ITGBL1: variants seen among roughly 807,000 people sequenced by gnomAD.
The protein encoded by ITGBL1 is integrin subunit beta like 1.
Under a neutral mutation model 68.5 loss-of-function variants are expected in ITGBL1, and 51 were observed. The observed-to-expected ratio is 0.74, with a 90% CI of 0.59 to 0.94. The LOEUF is 0.94. ITGBL1 is among the 40% of genes least tolerant of loss of function. The probability of loss-of-function intolerance (pLI) is 0.00; values close to 1 mark genes in which losing one functional copy is unlikely to be tolerated. For synonymous variants in ITGBL1, 209 were observed against 227.3 expected (o/e 0.92, Z 0.72); for missense variants, 649 against 647.4 (o/e 1.00, Z -0.03).
chr13:101,594,839 C>T (rs750588131), intron 6 of ITGBL1, among the ~76,000 whole-genome samples: 10 of 152,126 alleles, frequency 6.6e-5, no homozygotes, highest in East Asian at 5.8e-4. Context: ...TTTGGGAGGC[C>T]GAGGTGGGCA....
intron 2 of ITGBL1, among the ~76,000 whole-genome samples, chr13:101,470,380 A>T (rs2048441020): frequency 6.6e-6 from 1 of 151,158 alleles, no homozygotes; most frequent in Non-Finnish European, 1.5e-5. Flanking sequence ...CCCAGGCTGG[A>T]GTGCAGTGGC....
chr13:101,543,142 C>A (rs1328377082), intron 2 of ITGBL1, among the ~76,000 whole-genome samples: 1 of 152,184 alleles, frequency 6.6e-6, no homozygotes, highest in Non-Finnish European at 1.5e-5. Context: ...GATGCAGTTT[C>A]TTCCTAGCCT....
intron 7 of ITGBL1, among the ~76,000 whole-genome samples, chr13:101,628,975 ATT>A (rs1462572044): frequency 6.6e-6 from 1 of 152,114 alleles, no homozygotes; most frequent in African/African-American, 2.4e-5. Context: ...TGTCATATAT[ATT>A]GATAATGAGT....
intron 2 of ITGBL1, among the ~76,000 whole-genome samples, chr13:101,461,514 C>T (rs545967027): frequency 1.6e-3 from 248 of 152,084 alleles, no homozygotes; most frequent in Non-Finnish European, 1.5e-3. Context: ...GGCAGCATAG[C>T]GAGACCTGCT....
chr13:101,591,952 C>A (rs1395423567), intron 6 of ITGBL1, among the ~76,000 whole-genome samples: 1 of 152,050 alleles, frequency 6.6e-6, no homozygotes, highest in Admixed American at 6.5e-5. Context: ...CCAGTAGCTC[C>A]TTTTTATGTA....
intron 7 of ITGBL1, among the ~76,000 whole-genome samples, chr13:101,621,536 C>T (rs374658199): frequency 1.3e-5 from 2 of 152,138 alleles, no homozygotes; most frequent in East Asian, 3.9e-4. Flanking sequence ...GAAACTAACC[C>T]ACCCAGATTG....
At chr13:101,656,859 T>G (rs549468109) in intron 7 of ITGBL1, among the ~76,000 whole-genome samples, 4 of 152,332 alleles carry the variant, frequency 2.6e-5, no homozygotes, top group Middle Eastern at 3.4e-3. Context: ...AAAATACATC[T>G]TAAATATATA....
chr13:101,699,486 T>C (rs1313179258), intron 8 of ITGBL1, among the ~76,000 whole-genome samples: 1 of 152,184 alleles, frequency 6.6e-6, no homozygotes, highest in Admixed American at 6.5e-5. Context: ...GTTTTCTCCA[T>C]GTTATTCTCA....
chr13:101,510,133 G>A lies in ITGBL1; in HGVS notation c.316+56033G>A, dbSNP rs549655439. Among the ~76,000 whole-genome samples the A allele has an allele frequency of 5.9e-5, 9 of 152,102 alleles. No individual in the cohort carries two copies. In the South Asian group the frequency reaches 1.5e-3, roughly 25 times the overall value. On this transcript the variant is annotated intron_variant, in intron 2 of 10. Coordinates refer to ENST00000376180, the MANE Select transcript of ITGBL1 (RefSeq NM_004791.3). ...AGGTTGTGAACCTAGTACCTAATAG[G>A]TAGTTTGTAAACCAGTGCTCCCTTC...
At chr13:101,701,992 TTA>T (rs1030258664) in intron 8 of ITGBL1, among the ~76,000 whole-genome samples, 3 of 152,186 alleles carry the variant, frequency 2.0e-5, no homozygotes, top group African/African-American at 7.2e-5. Flanking sequence ...ATGGTAAATT[TTA>T]TGTTATATCT....
At chr13:101,678,234 T>A (rs1343279995) in intron 7 of ITGBL1, among the ~76,000 whole-genome samples, 1 of 152,210 alleles carries the variant, frequency 6.6e-6, no homozygotes, top group Admixed American at 6.5e-5. Context: ...TTCTTTCTAA[T>A]GTCTGCGACT....
At position 101,706,843 on chromosome 13, in the gene ITGBL1, CGGA is replaced by C. The variant is rs1186721640; in HGVS notation, c.1221_1223del (p.Glu409del). The C allele has an allele frequency of 6.2e-7, 1 of 1,613,970 alleles. No homozygotes were observed. Among genetic ancestry groups the C allele is most frequent in the Non-Finnish European group, 8.5e-7 (1 of 1,180,010 alleles). On this transcript the variant is annotated inframe_deletion, in exon 9 of 11. Coordinates refer to ENST00000376180, the MANE Select transcript of ITGBL1 (RefSeq NM_004791.3). Reference sequence around the variant, plus strand: ...CAACATCCGCGGAAGTGTAACATGACGGAAGAACAAAGCAAGAATCTGTGTGAA... The same window carrying C: ...CAACATCCGCGGAAGTGTAACATGACAGAACAAAGCAAGAATCTGTGTGAA...
intron 2 of ITGBL1, among the ~76,000 whole-genome samples, chr13:101,505,638 G>A (rs563208432): frequency 6.6e-5 from 10 of 152,138 alleles, no homozygotes; most frequent in Non-Finnish European, 1.3e-4. Context: ...GGAACACATG[G>A]GTGACAAGAC....
At chr13:101,587,713 A>G (rs2139299863) in intron 6 of ITGBL1, among the ~76,000 whole-genome samples, 1 of 152,332 alleles carries the variant, frequency 6.6e-6, no homozygotes, top group East Asian at 1.9e-4. Context: ...GAATATTTTG[A>G]TAGAACCATA....
chr13:101,520,203 A>G (rs2049262284), intron 2 of ITGBL1, among the ~76,000 whole-genome samples: 1 of 152,216 alleles, frequency 6.6e-6, no homozygotes, highest in Non-Finnish European at 1.5e-5. Flanking sequence ...AAAGACTCTA[A>G]GATTCAATGA....
At chr13:101,530,480 C>CCCTTAAAAATGCTTTTGCCA (rs2049454783) in intron 2 of ITGBL1, among the ~76,000 whole-genome samples, 1 of 152,126 alleles carries the variant, frequency 6.6e-6, no homozygotes, top group Non-Finnish European at 1.5e-5. Flanking sequence ...AGATGGTTCT[C>CCCTTAAAAATGCTTTTGCCA]CCTTAAAAAT....
Position 101,583,372 on chromosome 13 carries a change from A to G in ITGBL1, c.868+16A>G, listed in dbSNP as rs948638651. 2.1e-6 allele frequency: 3 copies of G among 1,449,874 alleles called. No individual in the cohort carries two copies. The highest frequency in any genetic ancestry group is 1.8e-6 in the Non-Finnish European group (2 of 1,097,724). The allele number at this position is 1,449,874 out of a possible 1,614,324, so 89.8% of individuals were successfully genotyped here. On this transcript the variant is annotated intron_variant, in intron 6 of 10. Coordinates refer to ENST00000376180, the MANE Select transcript of ITGBL1 (RefSeq NM_004791.3). ...TTCTGTTCAGGTAAGGGCTCTTCCA[A>G]TTCCTGTTTTTCTGGAGGGGGAGGT...
chr13:101,660,515 G>A (rs181702742), intron 7 of ITGBL1, among the ~76,000 whole-genome samples: 8 of 152,254 alleles, frequency 5.3e-5, no homozygotes, highest in Admixed American at 1.3e-4. Context: ...CAAATCTTAC[G>A]ACCTCTGGAA....
At chr13:101,691,931 C>T (rs2033890527) in intron 7 of ITGBL1, among the ~76,000 whole-genome samples, 1 of 152,136 alleles carries the variant, frequency 6.6e-6, no homozygotes, top group Non-Finnish European at 1.5e-5. Flanking sequence ...CTCAATAAAT[C>T]ATGATGAAAG....
Sources: gnomAD v4.1 joint callset for allele counts (sites outside exome capture counted in the v4.1 genomes callset) on GRCh38, gnomAD v4.1.1 for gene constraint, MANE v1.5 for transcripts, NCBI Gene and HGNC (gene_info 2026-07-23, HGNC 2026-07-21) for gene names.